TTC28: variants seen among roughly 807,000 people sequenced by gnomAD.
The protein encoded by TTC28 is tetratricopeptide repeat domain 28, also known as tetratricopeptide repeat protein 28.
TTC28 carries 61 observed loss-of-function variants against 198.0 expected under a neutral mutation model. The ratio of observed to expected loss-of-function variants is 0.31; its 90% CI spans 0.25 to 0.38. TTC28 has a LOEUF of 0.38. TTC28 is among the 10% of genes least tolerant of loss of function. The pLI is 1.00. For missense variants in TTC28, 2,678 were observed against 3,164.0 expected (o/e 0.85, Z 3.69); for synonymous variants, 1,171 against 1,297.8 (o/e 0.90, Z 2.10).
At position 27,985,144 on chromosome 22, in the gene TTC28, T is replaced by C. The variant is rs546400591; in HGVS notation, c.5815+105A>G. 41 of 805,876 alleles carry C rather than the reference T, an allele frequency of 5.1e-5. No homozygotes were observed. In the South Asian group the frequency reaches 6.7e-4, roughly 13 times the overall value. 49.9% of individuals were successfully genotyped at this position (805,876 alleles called of 1,614,324 possible). On this transcript the variant is annotated intron_variant, in intron 22 of 22. Coordinates refer to ENST00000397906, the MANE Select transcript of TTC28 (RefSeq NM_001145418.2). The stretch of plus-strand genomic sequence containing the variant: ...CCCTAACAAACATACACAAAAAATG[T>C]TGATTCACTTTTCTTCTGCTTCCCA...
chr22:28,405,829 C>G (rs906156891), intron 2 of TTC28, among the ~76,000 whole-genome samples: 1 of 152,218 alleles, frequency 6.6e-6, no homozygotes, highest in Admixed American at 6.5e-5. Context: ...GTTACCACCC[C>G]CTTTCTAGAA....
At chr22:28,030,516 G>T in intron 12 of TTC28, 150 bp from the exon 13 acceptor site, 1 of 973,126 alleles carries the variant, frequency 1.0e-6, no homozygotes, top group Non-Finnish European at 1.5e-6. Flanking sequence ...CCTCCTCAGT[G>T]TCCCTGAGGC....
At chr22:28,047,716 G>A (rs751395252) in intron 12 of TTC28, among the ~76,000 whole-genome samples, 3 of 152,162 alleles carry the variant, frequency 2.0e-5, no homozygotes, top group Non-Finnish European at 4.4e-5. Context: ...CCCAAAGCAG[G>A]CCCAGGTGAG....
chr22:28,388,995 T>C (rs1472394018), intron 2 of TTC28, among the ~76,000 whole-genome samples: 5 of 151,948 alleles, frequency 3.3e-5, no homozygotes, highest in African/African-American at 1.2e-4. Flanking sequence ...AGATAGCTCT[T>C]ATTATTTTGA....
intron 14 of TTC28, among the ~76,000 whole-genome samples, chr22:28,004,909 C>T (rs1054959064): frequency 6.6e-5 from 10 of 152,210 alleles, no homozygotes; most frequent in South Asian, 2.1e-4. Flanking sequence ...AAACACTATT[C>T]AGCACCTGGG....
At position 27,983,633 on chromosome 22, in the gene TTC28, A is replaced by T; in HGVS notation, c.6034T>A (p.Ser2012Thr). The T allele has an allele frequency of 6.5e-7, 1 of 1,542,828 alleles. No individual in the cohort carries two copies. Among genetic ancestry groups the T allele is most frequent in the Non-Finnish European group, 8.8e-7 (1 of 1,142,834 alleles). The change falls in exon 23 of 23, where the codon TCA becomes ACA. Residue 2012 changes from serine (S) to threonine (T), a missense_variant. This residue lies in a region of TTC28 where 622 missense variants were observed against 656.0 expected (regional missense o/e 0.95). Transcript: ENST00000397906. ...MSFVSKPEGG[S>T]EGGGPGGRQD... ...CGTCCTCCGGGGCCTCCACCCTCTG[A>T]TCCACCCTCGGGTTTGGAGACAAAG...
chr22:28,332,094 G>C (rs1177150092), intron 2 of TTC28, among the ~76,000 whole-genome samples: 1 of 151,976 alleles, frequency 6.6e-6, no homozygotes, highest in Non-Finnish European at 1.5e-5. Flanking sequence ...CATTTCAAAT[G>C]GTTTTAGAGA....
chr22:28,558,489 C>T (rs989274480), intron 2 of TTC28, among the ~76,000 whole-genome samples: 1 of 151,908 alleles, frequency 6.6e-6, no homozygotes, highest in Non-Finnish European at 1.5e-5. Flanking sequence ...GCCTGACCAA[C>T]ATGGTGCAAC....
intron 12 of TTC28, among the ~76,000 whole-genome samples, chr22:28,034,648 G>A (rs992412183): frequency 6.6e-6 from 1 of 152,222 alleles, no homozygotes; most frequent in Admixed American, 6.5e-5. Context: ...GTAGAAGGCT[G>A]AGGTCTGGAT....
chr22:28,482,207 C>CTTTT (rs36011379), intron 2 of TTC28, among the ~76,000 whole-genome samples: 4,100 of 66,940 alleles, frequency 0.061, 745 homozygotes, highest in East Asian at 0.16. Context: ...AATGGGCAGT[C>CTTTT]TTTTTTTTTT....
chr22:28,312,422 CA>C (rs1410835589), intron 2 of TTC28, among the ~76,000 whole-genome samples: 3 of 152,152 alleles, frequency 2.0e-5, no homozygotes, highest in African/African-American at 7.2e-5. Context: ...TTCTCAGCAC[CA>C]CATCACACTT....
intron 2 of TTC28, among the ~76,000 whole-genome samples, chr22:28,421,675 C>T (rs1254170612): frequency 2.0e-5 from 3 of 152,130 alleles, no homozygotes; most frequent in Admixed American, 2.0e-4. Context: ...GGGCCGGGTG[C>T]GGTGGCTCAC....
intron 9 of TTC28, among the ~76,000 whole-genome samples, chr22:28,099,825 G>A (rs1942090361): frequency 6.6e-6 from 1 of 152,142 alleles, no homozygotes; most frequent in African/African-American, 2.4e-5. Flanking sequence ...AGGCATCCCG[G>A]AAATGGACGA....
chr22:27,992,549 G>A (rs541954423), intron 19 of TTC28, 38 bp downstream of exon 19: 1 of 1,546,676 alleles, frequency 6.5e-7, no homozygotes, highest in Admixed American at 2.0e-5. Context: ...ATCAGCATGG[G>A]CCTCAGGCCC....
At chr22:27,995,675 T>C (rs918520504) in intron 17 of TTC28, among the ~76,000 whole-genome samples, 3 of 152,130 alleles carry the variant, frequency 2.0e-5, no homozygotes, top group African/African-American at 4.8e-5. Context: ...CACGATAACC[T>C]TGAACTGTTC....
intron 12 of TTC28, among the ~76,000 whole-genome samples, chr22:28,035,900 A>G (rs1313390132): frequency 6.6e-6 from 1 of 152,204 alleles, no homozygotes; most frequent in Non-Finnish European, 1.5e-5. Flanking sequence ...AGGCCACTAC[A>G]TAAATGGTTA....
rs188213956 is a variant in TTC28, at chr22:28,562,240, C to T, written c.381+67312G>A. On this transcript the variant is annotated intron_variant, in intron 2 of 22. Coordinates refer to ENST00000397906, the MANE Select transcript of TTC28 (RefSeq NM_001145418.2). Reference sequence around the variant, plus strand: ...ATATAACCACTCTCTTTCAGGCTAACGAAAAATGGCTTCCTAGAGGACTAG... The same window carrying T: ...ATATAACCACTCTCTTTCAGGCTAATGAAAAATGGCTTCCTAGAGGACTAG... Among the ~76,000 whole-genome samples, 42 of 152,244 alleles carry T rather than the reference C, an allele frequency of 2.8e-4. No individual in the cohort carries two copies. The South Asian group carries it at 7.0e-3, about 26-fold the overall frequency.
intron 2 of TTC28, among the ~76,000 whole-genome samples, chr22:28,359,823 C>G (rs541925570): frequency 6.6e-4 from 101 of 152,276 alleles, no homozygotes; most frequent in African/African-American, 2.2e-3. Flanking sequence ...TAGATAACTT[C>G]ACAATACCAT....
rs551989828 is a variant in TTC28, at chr22:28,636,989, A to G, written c.103-7159T>C. ...CCATGTTTTCTTCTAGGAGTTTTAG[A>G]GTTTCAGGTCTTCAGTTTTTTTTTT... On this transcript the variant is annotated intron_variant, in intron 1 of 22. Transcript: ENST00000397906. Among the ~76,000 whole-genome samples the G allele has an allele frequency of 9.0e-5, 13 of 144,446 alleles. No individual in the cohort carries two copies. In the South Asian group the frequency reaches 2.4e-3, roughly 27 times the overall value. The allele number at this position is 144,446 out of a possible 152,430, so 94.8% of individuals were successfully genotyped here.
Sources: gnomAD v4.1 joint callset for allele counts (sites outside exome capture counted in the v4.1 genomes callset) on GRCh38, gnomAD v4.1.1 for gene constraint, gnomAD v4.1.1 regional missense constraint, MANE v1.5 for transcripts, NCBI Gene and HGNC (gene_info 2026-07-23, HGNC 2026-07-21) for gene names.